Variants in NET1 observed in about 807,000 individuals in gnomAD.
The protein encoded by NET1 is neuroepithelial cell transforming 1.
Under a neutral mutation model 61.1 loss-of-function variants are expected in NET1, and 42 were observed. That is an observed-to-expected ratio of 0.69 (90% CI 0.54 to 0.89). NET1 has a LOEUF of 0.89. Among genes scored for constraint, NET1 ranks in the 40% least tolerant of loss-of-function variants. The pLI is 0.00. For missense variants in NET1, 654 were observed against 747.3 expected (o/e 0.88, Z 1.46); for synonymous variants, 254 against 281.8 (o/e 0.90, Z 0.99).
rs12242934 is a variant in NET1, at chr10:5,439,432, T to C, written c.255+10203T>C. ...TGTAATGTACTAGGTTACATGGCAG[T>C]CTGGGCCATCTGTTCATGTTATATA... On this transcript the variant is annotated intron_variant, in intron 3 of 11. Coordinates refer to ENST00000355029, the MANE Select transcript of NET1 (RefSeq NM_001047160.3). The surrounding 1 kb of genome is among the most constrained non-coding windows in gnomAD (Gnocchi z 4.8). Among the ~76,000 whole-genome samples the C allele has an allele frequency of 0.037, 5,681 of 152,352 alleles. 140 individuals carry two copies. The highest frequency in any genetic ancestry group is 0.082 in the South Asian group (395 of 4,830).
chr10:5,455,130 T>C lies in NET1; in HGVS notation c.1197+12T>C. 6.2e-7 allele frequency: 1 copy of C among 1,612,062 alleles called. No homozygotes were observed. On this transcript the variant is annotated intron_variant, in intron 10 of 11. Coordinates refer to ENST00000355029, the MANE Select transcript of NET1 (RefSeq NM_001047160.3). The surrounding 1 kb of genome is among the most constrained non-coding windows in gnomAD (Gnocchi z 6.5). ...GCAAGAGTGGACATGTAGGTGACTT[T>C]TGCTGCCGTGGCAGAGCAGCCTTCC...
chr10:5,439,992 C>G lies in NET1; in HGVS notation c.255+10763C>G, dbSNP rs529564111. Among the ~76,000 whole-genome samples, 8 of 152,344 alleles carry G rather than the reference C, an allele frequency of 5.3e-5. No homozygotes were observed. Among genetic ancestry groups the G allele is most frequent in the African/African-American group, 1.9e-4 (8 of 41,574 alleles). On this transcript the variant is annotated intron_variant, in intron 3 of 11. Transcript: ENST00000355029. This position sits in a 1 kb window ranked among gnomAD's most constrained non-coding sequence, Gnocchi z 4.8. ...AGAAGATGCAAGGTGCAACACCTGT[C>G]CTTTCCTGTAGCGGGGAGATCCCAG...
chr10:5,415,205 A>G lies in NET1; in HGVS notation c.128+2385A>G, dbSNP rs375316777. ...ACGTTCTGCAGGCAAAACTCAGTAT[A>G]AACTAATTTGAAAGACAAATACGTA... On this transcript the variant is annotated intron_variant, in intron 1 of 11. Transcript: ENST00000355029. The surrounding 1 kb of genome is among the most constrained non-coding windows in gnomAD (Gnocchi z 4.7). 4.5e-4 allele frequency among the ~76,000 whole-genome samples: 68 copies of G among 152,324 alleles called. No individual in the cohort carries two copies. Among genetic ancestry groups the G allele is most frequent in the South Asian group, 1.5e-3 (7 of 4,822 alleles).
intron 3 of NET1, among the ~76,000 whole-genome samples, chr10:5,445,479 C>T (rs1166077211): frequency 1.3e-5 from 2 of 151,932 alleles, no homozygotes; most frequent in South Asian, 2.1e-4. Context: ...TTTTTATTAC[C>T]CAAGTATCTA....
At chr10:5,414,946 G>A (rs751184437) in intron 1 of NET1, among the ~76,000 whole-genome samples, 7 of 152,306 alleles carry the variant, frequency 4.6e-5, no homozygotes, top group South Asian at 2.1e-4. Flanking sequence ...TGAGAAAAGC[G>A]TAGTAACACA....
Position 5,421,422 on chromosome 10 carries a change from A to G in NET1, c.129-5233A>G, listed in dbSNP as rs1009910101. On this transcript the variant is annotated intron_variant, in intron 1 of 11. Transcript: ENST00000355029. This position sits in a 1 kb window ranked among gnomAD's most constrained non-coding sequence, Gnocchi z 4.2. ...AAAATAATAGTATGACCTATGATCT[A>G]CCAACAGTGATAAGGCTTACTCTTT... is the stretch of plus-strand genomic sequence containing the variant. 1.3e-5 allele frequency among the ~76,000 whole-genome samples: 2 copies of G among 152,226 alleles called. No individual in the cohort carries two copies. Among genetic ancestry groups the G allele is most frequent in the African/African-American group, 4.8e-5 (2 of 41,454 alleles).
intron 3 of NET1, among the ~76,000 whole-genome samples, chr10:5,436,186 TTGTGTGTGTGTGTG>T (rs139070024): frequency 0.021 from 446 of 21,264 alleles, 11 homozygotes; most frequent in African/African-American, 0.064. Context: ...TGTGTGTGTG[TTGTGTGTGTGTGTG>T]TGTGTGTGTG....
chr10:5,430,760 T>C (rs1021009679), intron 3 of NET1, among the ~76,000 whole-genome samples: 25 of 152,158 alleles, frequency 1.6e-4, no homozygotes, highest in Admixed American at 1.2e-3. Flanking sequence ...ATTTTCTTGA[T>C]CTTGTTTGTG....
chr10:5,442,983 T>C (rs1832547090), intron 3 of NET1, among the ~76,000 whole-genome samples: 1 of 152,216 alleles, frequency 6.6e-6, no homozygotes, highest in African/African-American at 2.4e-5. Context: ...AAAAAGGCTA[T>C]AAGGCAGCTA....
rs1832175192 is a variant in NET1, at chr10:5,421,587, C to T, written c.129-5068C>T. ...AGTTGCCAAAAATAAAAGGCATGCT[C>T]ACAGAAGCTTGTAAGGCCATGTGGT... On this transcript the variant is annotated intron_variant, in intron 1 of 11. Transcript: ENST00000355029. This position sits in a 1 kb window ranked among gnomAD's most constrained non-coding sequence, Gnocchi z 4.2. Among the ~76,000 whole-genome samples the T allele has an allele frequency of 6.6e-6, 1 of 152,160 alleles. No homozygotes were observed.
rs1462546196 is a variant in NET1 at position 5,455,695 on chromosome 10, G to C, written c.1198-392G>C. Among the ~76,000 whole-genome samples the C allele has an allele frequency of 6.6e-6, 1 of 152,276 alleles. No individual in the cohort carries two copies. The highest frequency in any genetic ancestry group is 1.9e-4 in the East Asian group (1 of 5,190). On this transcript the variant is annotated intron_variant, in intron 10 of 11. Transcript: ENST00000355029. The surrounding 1 kb of genome is among the most constrained non-coding windows in gnomAD (Gnocchi z 6.5). ...GGAAAATTTATAAAGGTATAAATTTGTGTGGGACAAAATAGAACCATTAAC... is the reference window on the plus strand; with the variant it reads ...GGAAAATTTATAAAGGTATAAATTTCTGTGGGACAAAATAGAACCATTAAC...
Position 5,453,694 on chromosome 10 carries a change from T to C in NET1, c.768+134T>C. ...CATAAGGCGTTAAAACTGAACAAAT[T>C]TACAGTGACATAAGAAGTTACAGTC... On this transcript the variant is annotated intron_variant, in intron 8 of 11. Coordinates refer to ENST00000355029, the MANE Select transcript of NET1 (RefSeq NM_001047160.3). This position sits in a 1 kb window ranked among gnomAD's most constrained non-coding sequence, Gnocchi z 4.9. The C allele has an allele frequency of 1.4e-6, 1 of 717,862 alleles. No homozygotes were observed. Among genetic ancestry groups the C allele is most frequent in the Non-Finnish European group, 2.4e-6 (1 of 416,570 alleles). The allele number at this position is 717,862 out of a possible 1,614,324, so 44.5% of individuals were successfully genotyped here.
At position 5,454,514 on chromosome 10, in the gene NET1, G is replaced by C; in HGVS notation, c.1018G>C (p.Glu340Gln). Residue 340 changes from glutamate to glutamine, a missense_variant, in exon 9 of 12, where the codon GAG becomes CAG. Glu to Gln is a conservative substitution (Grantham distance 29). Coordinates refer to ENST00000355029, the MANE Select transcript of NET1 (RefSeq NM_001047160.3). This position sits in a 1 kb window ranked among gnomAD's most constrained non-coding sequence, Gnocchi z 8.1. ...AGAGCACCCTGATGTTCAGCTTCTG[G>C]AGGATGCTGTAAGTAGTCCCTTAAG... ...PKEHPDVQLL[E>Q]DAILIIQGVL... The C allele has an allele frequency of 6.2e-7, 1 of 1,613,398 alleles. No homozygotes were observed. Among genetic ancestry groups the C allele is most frequent in the South Asian group, 1.1e-5 (1 of 90,962 alleles).
At chr10:5,445,939 CTT>C (rs991248566) in intron 3 of NET1, among the ~76,000 whole-genome samples, 5 of 152,072 alleles carry the variant, frequency 3.3e-5, no homozygotes, top group African/African-American at 1.2e-4. Flanking sequence ...CAGAAATCAC[CTT>C]TGTTATAAAA....
Position 5,437,718 on chromosome 10 carries a change from TAAGG to T in NET1, c.255+8493_255+8496del, listed in dbSNP as rs1832459798. Among the ~76,000 whole-genome samples, 1 of 151,814 alleles carries T rather than the reference TAAGG, an allele frequency of 6.6e-6. No individual in the cohort carries two copies. Among genetic ancestry groups the T allele is most frequent in the African/African-American group, 2.4e-5 (1 of 41,300 alleles). ...GATAGATAACCTGACAGGAAATCAA[TAAGG>T]AAGTAGAAGACTTAAACAGCACTCA... On this transcript the variant is annotated intron_variant, in intron 3 of 11. Transcript: ENST00000355029. This position sits in a 1 kb window ranked among gnomAD's most constrained non-coding sequence, Gnocchi z 4.3.
chr10:5,418,409 A>G (rs970395544), intron 1 of NET1, among the ~76,000 whole-genome samples: 2 of 152,116 alleles, frequency 1.3e-5, no homozygotes, highest in Non-Finnish European at 2.9e-5. Flanking sequence ...TTGTTTCATC[A>G]AAGTTATCTA....
chr10:5,420,889 C>T lies in NET1; in HGVS notation c.129-5766C>T, dbSNP rs923641286. ...GATTACAAGTATGAGTCACTGTGCCCGGCCAGCAAGGGTCTTTCTAAAGAA... is the reference window on the plus strand; with the variant it reads ...GATTACAAGTATGAGTCACTGTGCCTGGCCAGCAAGGGTCTTTCTAAAGAA... On this transcript the variant is annotated intron_variant, in intron 1 of 11. Coordinates refer to ENST00000355029, the MANE Select transcript of NET1 (RefSeq NM_001047160.3). This position sits in a 1 kb window ranked among gnomAD's most constrained non-coding sequence, Gnocchi z 5.3. Among the ~76,000 whole-genome samples the T allele has an allele frequency of 1.3e-5, 2 of 152,048 alleles. No individual in the cohort carries two copies. The highest frequency in any genetic ancestry group is 1.9e-4 in the East Asian group (1 of 5,184).
At chr10:5,414,979 A>G (rs1832054710) in intron 1 of NET1, among the ~76,000 whole-genome samples, 1 of 152,192 alleles carries the variant, frequency 6.6e-6, no homozygotes, top group Non-Finnish European at 1.5e-5. Flanking sequence ...AGAGTGAGAC[A>G]CAGTTAGAAG....
Position 5,420,908 on chromosome 10 carries a change from T to C in NET1, c.129-5747T>C, listed in dbSNP as rs553209110. On this transcript the variant is annotated intron_variant, in intron 1 of 11. Transcript: ENST00000355029. The surrounding 1 kb of genome is among the most constrained non-coding windows in gnomAD (Gnocchi z 5.3). ...TGTGCCCGGCCAGCAAGGGTCTTTC[T>C]AAAGAACCCTAGGTTATACTACATG... Among the ~76,000 whole-genome samples, 5 of 152,240 alleles carry C rather than the reference T, an allele frequency of 3.3e-5. No homozygotes were observed. In the East Asian group the frequency reaches 7.7e-4, roughly 24 times the overall value.
Sources: allele counts gnomAD v4.1 joint callset (sites outside exome capture counted in the v4.1 genomes callset), GRCh38; gene constraint gnomAD v4.1.1; non-coding constraint Gnocchi (gnomAD v3.1); transcripts MANE v1.5; gene names NCBI Gene and HGNC (gene_info 2026-07-23, HGNC 2026-07-21).